The following CA13 variants were observed in gnomAD, a reference collection of about 807,000 sequenced individuals.
CA13 encodes the protein CA-XIII.
In CA13, 21 loss-of-function variants were observed where a neutral mutation model predicts 31.5. The ratio of observed to expected loss-of-function variants is 0.67; its 90% CI spans 0.47 to 0.96. The LOEUF (loss-of-function observed/expected upper bound fraction) is 0.96. Among genes scored for constraint, CA13 ranks in the 40% least tolerant of loss-of-function variants. The probability of loss-of-function intolerance (pLI) is 0.00; values close to 1 mark genes in which losing one functional copy is unlikely to be tolerated. For missense variants in CA13, 315 were observed against 318.9 expected (o/e 0.99, Z 0.09); for synonymous variants, 117 against 111.4 (o/e 1.05, Z -0.32).
intron 2 of CA13, among the ~76,000 whole-genome samples, chr8:85,252,990 G>T (rs1807220135): frequency 6.6e-6 from 1 of 151,082 alleles, no homozygotes; most frequent in Non-Finnish European, 1.5e-5. Flanking sequence ...TTGTTGCCCA[G>T]GCTGGAGTGC....
intron 6 of CA13, among the ~76,000 whole-genome samples, chr8:85,277,814 G>C (rs971904186): frequency 2.6e-5 from 4 of 152,176 alleles, no homozygotes; most frequent in Non-Finnish European, 5.9e-5. Context: ...TGACGTGACT[G>C]CTGCGTAGTA....
intron 6 of CA13, among the ~76,000 whole-genome samples, chr8:85,274,017 G>A (rs1807566175): frequency 6.6e-6 from 1 of 151,972 alleles, no homozygotes; most frequent in Non-Finnish European, 1.5e-5. Context: ...CAGGGGGTAT[G>A]TGTCTTCCGG....
intron 6 of CA13, among the ~76,000 whole-genome samples, chr8:85,277,395 C>T (rs1012355693): frequency 3.9e-5 from 6 of 152,046 alleles, no homozygotes; most frequent in Admixed American, 1.3e-4. Flanking sequence ...CCTGAGCCAG[C>T]GAGACCATGA....
rs182953287 is a variant in CA13 at position 85,250,682 on chromosome 8, A to G, written c.38-58A>G. ...AAGCACAGTGTGTTATACTCAATGT[A>G]TGTTTGTTGAAAGAAAGAACTTATT... On this transcript the variant is annotated intron_variant, in intron 1 of 6. Coordinates refer to ENST00000321764, the MANE Select transcript of CA13 (RefSeq NM_198584.3). The G allele has an allele frequency of 6.6e-4, 716 of 1,080,700 alleles. 8 individuals carry two copies. The East Asian group carries it at 0.016, about 24-fold the overall frequency. The allele number at this position is 1,080,700 out of a possible 1,614,324, so 66.9% of individuals were successfully genotyped here.
intron 2 of CA13, among the ~76,000 whole-genome samples, chr8:85,254,041 G>A (rs1408323996): frequency 6.6e-6 from 1 of 152,100 alleles, no homozygotes; most frequent in East Asian, 1.9e-4. Context: ...CACTTTGGGA[G>A]GCCGAGGTGG....
At chr8:85,274,570 C>T (rs185853118) in intron 6 of CA13, among the ~76,000 whole-genome samples, 24 of 152,224 alleles carry the variant, frequency 1.6e-4, no homozygotes, top group Admixed American at 9.8e-4. Context: ...CAGCAATTAG[C>T]GATATTAAAC....
At chr8:85,254,354 TTAAG>T (rs1164908537) in intron 2 of CA13, among the ~76,000 whole-genome samples, 1 of 152,126 alleles carries the variant, frequency 6.6e-6, no homozygotes, top group African/African-American at 2.4e-5. Flanking sequence ...ATCTAAAACT[TTAAG>T]TATATTTTTT....
At chr8:85,248,151 C>G (rs1043936611) in intron 1 of CA13, among the ~76,000 whole-genome samples, 2 of 152,116 alleles carry the variant, frequency 1.3e-5, no homozygotes, top group African/African-American at 4.8e-5. Flanking sequence ...GCAACCACCA[C>G]ATATCTCTAA....
At chr8:85,255,981 T>A (rs1046486153) in intron 2 of CA13, among the ~76,000 whole-genome samples, 23 of 150,308 alleles carry the variant, frequency 1.5e-4, no homozygotes, top group Admixed American at 2.0e-4. Context: ...CTTACCTACC[T>A]AGCATGGTGC....
intron 1 of CA13, among the ~76,000 whole-genome samples, chr8:85,250,006 T>C (rs1813798470): frequency 6.6e-6 from 1 of 152,226 alleles, no homozygotes; most frequent in Non-Finnish European, 1.5e-5. Flanking sequence ...ATGATACCTT[T>C]CTCTTGTGTT....
intron 2 of CA13, 124 bp from the exon 3 acceptor site, chr8:85,259,297 C>A (rs1224773216): frequency 2.8e-6 from 2 of 716,486 alleles, no homozygotes; most frequent in Non-Finnish European, 2.5e-6. Flanking sequence ...AAGCAAATGA[C>A]ACATTTGTAA....
intron 2 of CA13, among the ~76,000 whole-genome samples, chr8:85,256,051 T>C (rs560506867): frequency 6.6e-6 from 1 of 151,402 alleles, no homozygotes; most frequent in Non-Finnish European, 1.5e-5. Context: ...AAAAAAAAAC[T>C]TGTATGACGG....
rs552577993 is a variant in CA13 at position 85,255,113 on chromosome 8, T to C, written c.235+4176T>C. Among the ~76,000 whole-genome samples, 198 of 151,464 alleles carry C rather than the reference T, an allele frequency of 1.3e-3. 1 individual carries two copies. The highest frequency in any genetic ancestry group is 4.2e-3 in the African/African-American group (174 of 41,278). On this transcript the variant is annotated intron_variant, in intron 2 of 6. Transcript: ENST00000321764. Reference sequence around the variant, plus strand: ...CCTTCCTTCCTCCTCCTTCTTCTTCTCTCTCTCTCTCATTCTTTCTTTCTT... The same window carrying C: ...CCTTCCTTCCTCCTCCTTCTTCTTCCCTCTCTCTCTCATTCTTTCTTTCTT...
chr8:85,277,339 G>T (rs888963394), intron 6 of CA13, among the ~76,000 whole-genome samples: 5 of 151,576 alleles, frequency 3.3e-5, no homozygotes, highest in Non-Finnish European at 5.9e-5. Flanking sequence ...AGACATGCGC[G>T]GCCTTAAGAG....
At chr8:85,271,121 A>T (rs1807520566) in intron 6 of CA13, among the ~76,000 whole-genome samples, 1 of 152,252 alleles carries the variant, frequency 6.6e-6, no homozygotes, top group South Asian at 2.1e-4. Flanking sequence ...TTTAAAAGTT[A>T]AAGAATAAAG....
chr8:85,268,767 A>G, intron 6 of CA13, 140 bp downstream of exon 6: 2 of 680,996 alleles, frequency 2.9e-6, no homozygotes, highest in Non-Finnish European at 4.8e-6. Context: ...TCGTTGGGCT[A>G]GATGAGACCT....
intron 2 of CA13, among the ~76,000 whole-genome samples, chr8:85,258,211 C>T (rs753696138): frequency 6.6e-5 from 10 of 151,696 alleles, no homozygotes; most frequent in African/African-American, 4.8e-5. Flanking sequence ...TAGCTTCCAA[C>T]GCTTCCTGAT....
chr8:85,251,660 A>T (rs1490362077), intron 2 of CA13, among the ~76,000 whole-genome samples: 1 of 152,100 alleles, frequency 6.6e-6, no homozygotes, highest in African/African-American at 2.4e-5. Context: ...AGTTTAGTTT[A>T]AAAAAAACTT....
chr8:85,247,262 G>C (rs1354827487), intron 1 of CA13, among the ~76,000 whole-genome samples: 1 of 152,156 alleles, frequency 6.6e-6, no homozygotes, highest in Admixed American at 6.5e-5. Flanking sequence ...CTTTATGGTA[G>C]TTAGGAAGAA....
Sources: allele counts gnomAD v4.1 joint callset (sites outside exome capture counted in the v4.1 genomes callset), GRCh38; gene constraint gnomAD v4.1.1; transcripts MANE v1.5; gene names NCBI Gene and HGNC (gene_info 2026-07-23, HGNC 2026-07-21).